EDA: variants seen among roughly 807,000 people sequenced by gnomAD.
EDA encodes the protein ectodysplasin-A.
In EDA, 2 loss-of-function variants were observed where a neutral mutation model predicts 23.6. The ratio of observed to expected loss-of-function variants is 0.08; its 90% confidence interval spans 0.03 to 0.27. EDA has a LOEUF of 0.27. Among genes scored for constraint, EDA ranks in the 10% least tolerant of loss-of-function variants. The pLI, the probability that EDA is intolerant of heterozygous loss-of-function variation, is 1.00. For missense variants in EDA, 229 were observed against 324.2 expected, an observed-to-expected ratio of 0.71 and a Z score of 2.26; for synonymous variants, 131 against 132.0, an observed-to-expected ratio of 0.99 and a Z score of 0.05.
chrX:69,616,823 G>C, intron 1 of EDA, 119 bp downstream of exon 1: 1 of 993,157 alleles, frequency 1.0e-6, no homozygotes, highest in Non-Finnish European at 1.4e-6. Flanking sequence ...GGCAGGACCA[G>C]GGAGGGACCA....
intron 1 of EDA, among the ~76,000 whole-genome samples, chrX:69,697,333 G>A (rs1310746071): frequency 1.8e-5 from 2 of 111,437 alleles, no homozygotes; most frequent in Non-Finnish European, 3.8e-5. Flanking sequence ...CACGCTGCTG[G>A]TGCAAGTGGT....
chrX:69,971,853 A>C (rs2019252931), intron 2 of EDA, among the ~76,000 whole-genome samples: 1 of 111,394 alleles, frequency 9.0e-6, no homozygotes, highest in East Asian at 2.8e-4. Context: ...GAAAGAAAAC[A>C]TGCTGCAGGC....
At chrX:69,839,359 A>T (rs1569351491) in intron 1 of EDA, among the ~76,000 whole-genome samples, 1 of 111,317 alleles carries the variant, frequency 9.0e-6, no homozygotes, top group African/African-American at 3.3e-5. Flanking sequence ...GGAACTTCCT[A>T]CCCTATATCC....
chrX:70,017,694 C>T (rs1040848319), intron 2 of EDA, among the ~76,000 whole-genome samples: 2 of 111,581 alleles, frequency 1.8e-5, no homozygotes, highest in African/African-American at 6.5e-5. Flanking sequence ...ATTGAAGGAA[C>T]GTACTTTAAA....
chrX:69,960,610 A>C (rs1232755412), intron 2 of EDA, among the ~76,000 whole-genome samples: 2 of 110,837 alleles, frequency 1.8e-5, no homozygotes, highest in African/African-American at 6.6e-5. Flanking sequence ...TCTGAACAGA[A>C]TAAGAGGTAG....
intron 1 of EDA, among the ~76,000 whole-genome samples, chrX:69,807,000 G>C (rs1040630171): frequency 9.0e-6 from 1 of 111,010 alleles, no homozygotes; most frequent in East Asian, 2.8e-4. Flanking sequence ...TTATGAAAAA[G>C]AAATGACTCG....
At chrX:69,974,335 AACTG>A (rs2019288211) in intron 2 of EDA, among the ~76,000 whole-genome samples, 1 of 111,041 alleles carries the variant, frequency 9.0e-6, no homozygotes, top group Admixed American at 9.7e-5. Flanking sequence ...ATGCTGGGAT[AACTG>A]ACTGTCCAAA....
intron 1 of EDA, among the ~76,000 whole-genome samples, chrX:69,670,825 T>C (rs1290868183): frequency 1.8e-5 from 2 of 112,044 alleles, no homozygotes; most frequent in African/African-American, 6.5e-5. Context: ...TTCTCCAATT[T>C]CATTGAATTG....
Position 69,616,226 on chromosome X carries a change from G to T in EDA, c.-83G>T. ...GCAGCCCCCAGCCGATGGCAGGACA[G>T]TAGCCGCCTGTCAGAGGTCGTGAAC... On this transcript the variant is annotated 5_prime_UTR_variant, in exon 1 of 8. Transcript: ENST00000374552. 1 of 1,095,902 alleles carries T rather than the reference G, an allele frequency of 9.1e-7. No homozygotes were observed. Among genetic ancestry groups the T allele is most frequent in the Non-Finnish European group, 1.2e-6 (1 of 823,119 alleles). The allele number at this position is 1,095,902 out of a possible 1,213,427, so 90.3% of individuals were successfully genotyped here.
chrX:69,882,007 A>G lies in EDA; in HGVS notation c.397-75020A>G, dbSNP rs1010726841. Reference sequence around the variant, plus strand: ...CACCTCCCACTAGGCCCTACCTCCAACATTGGGGATCACATTTGAACATGA... The same window carrying G: ...CACCTCCCACTAGGCCCTACCTCCAGCATTGGGGATCACATTTGAACATGA... On this transcript the variant is annotated intron_variant, in intron 1 of 7. Transcript: ENST00000374552. Among the ~76,000 whole-genome samples the G allele has an allele frequency of 1.8e-5, 2 of 111,889 alleles. 1 individual carries two copies. Among genetic ancestry groups the G allele is most frequent in the Non-Finnish European group, 3.8e-5 (2 of 53,178 alleles).
chrX:69,833,398 G>A (rs182046039), intron 1 of EDA, among the ~76,000 whole-genome samples: 73 of 111,300 alleles, frequency 6.6e-4, no homozygotes, highest in Non-Finnish European at 1.2e-3. Context: ...TGACTTGATC[G>A]TGGTGGATAA....
At position 70,035,487 on chromosome X, in the gene EDA, T is replaced by C. The variant is rs1419572404; in HGVS notation, c.1054T>C (p.Cys352Arg). ...CAACACTTGCTATACCGCAGGCGTC[T>C]GCCTCCTCAAGGCCCGGCAGAAGAT... Reference protein sequence around the residue: ...NYNTCYTAGVCLLKARQKIAV... With the variant: ...NYNTCYTAGVRLLKARQKIAV... The change falls in exon 8 of 8, where the codon TGC becomes CGC. Residue 352 changes from cysteine (C) to arginine (R), a missense_variant. Coordinates refer to ENST00000374552, the MANE Select transcript of EDA (RefSeq NM_001399.5). 1 of 1,210,860 alleles carries C rather than the reference T, an allele frequency of 8.3e-7. No homozygotes were observed. Among genetic ancestry groups the C allele is most frequent in the Admixed American group, 2.2e-5 (1 of 45,851 alleles).
At chrX:69,873,160 C>A (rs961915631) in intron 1 of EDA, among the ~76,000 whole-genome samples, 3 of 111,477 alleles carry the variant, frequency 2.7e-5, no homozygotes, top group Non-Finnish European at 5.6e-5. Flanking sequence ...GGGTTAAGAA[C>A]GAAATTAAAA....
intron 1 of EDA, among the ~76,000 whole-genome samples, chrX:69,822,848 T>G (rs1263909685): frequency 3.0e-5 from 1 of 33,399 alleles, no homozygotes. Context: ...CCCTCCCCCC[T>G]CCCCCACCCC....
intron 1 of EDA, among the ~76,000 whole-genome samples, chrX:69,888,353 CA>C (rs1275807649): frequency 9.1e-6 from 1 of 109,651 alleles, no homozygotes; most frequent in East Asian, 2.9e-4. Context: ...CATCATATCA[CA>C]AAGGAAGACA....
At chrX:69,834,131 C>T (rs1227415478) in intron 1 of EDA, among the ~76,000 whole-genome samples, 2 of 110,464 alleles carry the variant, frequency 1.8e-5, no homozygotes, top group African/African-American at 6.6e-5. Flanking sequence ...AGGACATGAA[C>T]TCATCCAACT....
At chrX:69,822,606 G>C (rs2016258118) in intron 1 of EDA, among the ~76,000 whole-genome samples, 1 of 112,094 alleles carries the variant, frequency 8.9e-6, no homozygotes, top group Non-Finnish European at 1.9e-5. Flanking sequence ...TTAAGCAGTA[G>C]AATGATGATT....
chrX:69,935,302 TACCTAGCAGTA>T (rs2018655757), intron 1 of EDA, among the ~76,000 whole-genome samples: 1 of 111,529 alleles, frequency 9.0e-6, no homozygotes, highest in African/African-American at 3.3e-5. Context: ...TTTGGGTATA[TACCTAGCAGTA>T]GGATTGCTGG....
At chrX:69,647,713 C>T (rs764638805) in intron 1 of EDA, among the ~76,000 whole-genome samples, 17 of 111,990 alleles carry the variant, frequency 1.5e-4, no homozygotes, top group Non-Finnish European at 3.0e-4. Flanking sequence ...TCAGCCTCAG[C>T]CCAGTTCTGT....
Sources: gnomAD v4.1 joint callset for allele counts (sites outside exome capture counted in the v4.1 genomes callset) on GRCh38, gnomAD v4.1.1 for gene constraint, MANE v1.5 for transcripts, NCBI Gene and HGNC (gene_info 2026-07-23, HGNC 2026-07-21) for gene names.